TRAPPC12: variants seen among roughly 807,000 people sequenced by gnomAD.
TRAPPC12 encodes trafficking protein particle complex subunit 12.
TRAPPC12 carries 61 observed loss-of-function variants against 69.2 expected under a neutral mutation model. The observed-to-expected ratio is 0.88, with a 90% CI of 0.72 to 1.09. The LOEUF is 1.09. TRAPPC12 is among the 50% of genes least tolerant of loss of function. The probability of loss-of-function intolerance (pLI) is 0.00; values close to 1 mark genes in which losing one functional copy is unlikely to be tolerated. For missense variants in TRAPPC12, 1,101 were observed against 1,016.4 expected (o/e 1.08, Z -1.13); for synonymous variants, 469 against 438.9 (o/e 1.07, Z -0.86).
At chr2:3,473,228 G>T (rs1666140301) in intron 9 of TRAPPC12, among the ~76,000 whole-genome samples, 1 of 152,178 alleles carries the variant, frequency 6.6e-6, no homozygotes, top group African/African-American at 2.4e-5. Context: ...GGCCGGCTCT[G>T]CTGTGCTCAC....
chr2:3,455,732 T>A (rs1665114269), intron 6 of TRAPPC12: 1 of 152,256 alleles, frequency 6.6e-6, no homozygotes. Context: ...ATATGGCAAT[T>A]CCTTTATCCC....
intron 5 of TRAPPC12, among the ~76,000 whole-genome samples, chr2:3,431,110 G>T (rs747588413): frequency 6.6e-6 from 1 of 152,242 alleles, no homozygotes; most frequent in Non-Finnish European, 1.5e-5. Flanking sequence ...AGGCAGGCCC[G>T]CAGAGCCCCT....
chr2:3,400,848 T>C (rs946902139), intron 2 of TRAPPC12, among the ~76,000 whole-genome samples: 2 of 152,208 alleles, frequency 1.3e-5, no homozygotes, highest in Non-Finnish European at 1.5e-5. Flanking sequence ...TCGCCCAGCA[T>C]CTGGGCTTGA....
rs942548652 is a variant in TRAPPC12, at chr2:3,414,766, C to T, written c.1165-7115C>T. On this transcript the variant is annotated intron_variant, in intron 3 of 11. Coordinates refer to ENST00000324266, the MANE Select transcript of TRAPPC12 (RefSeq NM_016030.6). The surrounding 1 kb of genome is among the most constrained non-coding windows in gnomAD (Gnocchi z 4.9). ...TTCCTCTTGTTCATCGTGCGAGACTCCCCACCCCTGTGCCACCGGTCTCGG... is the reference window on the plus strand; with the variant it reads ...TTCCTCTTGTTCATCGTGCGAGACTTCCCACCCCTGTGCCACCGGTCTCGG... Among the ~76,000 whole-genome samples the T allele has an allele frequency of 6.6e-6, 1 of 152,068 alleles. No individual in the cohort carries two copies. The highest frequency in any genetic ancestry group is 2.4e-5 in the African/African-American group (1 of 41,412).
intron 2 of TRAPPC12, chr2:3,389,911 A>C (rs1051439188): frequency 2.1e-4 from 85 of 414,080 alleles, no homozygotes; most frequent in Non-Finnish European, 3.9e-4. Context: ...TTTTGGGCTC[A>C]GAATGGAGGG....
At chr2:3,464,370 T>A (rs917927891) in intron 8 of TRAPPC12, among the ~76,000 whole-genome samples, 2 of 141,304 alleles carry the variant, frequency 1.4e-5, no homozygotes, top group African/African-American at 3.1e-5. Context: ...TCGTTTTGGG[T>A]TTTTTTTGTT....
chr2:3,413,426 C>T (rs190970163), intron 3 of TRAPPC12, among the ~76,000 whole-genome samples: 18 of 152,264 alleles, frequency 1.2e-4, no homozygotes, highest in African/African-American at 4.3e-4. Context: ...CGGCCAGTTC[C>T]GTAGCACCAG....
chr2:3,449,204 T>TC (rs1208533661), intron 6 of TRAPPC12: 1 of 152,280 alleles, frequency 6.6e-6, no homozygotes, highest in African/African-American at 2.4e-5. Context: ...CCCTCTGGGG[T>TC]CGAGAGAGCT....
chr2:3,385,554 G>C (rs1558336141), intron 1 of TRAPPC12, among the ~76,000 whole-genome samples: 1 of 152,094 alleles, frequency 6.6e-6, no homozygotes, highest in African/African-American at 2.4e-5. Context: ...AATCTTACAG[G>C]TTTAAAGCAG....
At chr2:3,422,708 C>A (rs1375700422) in intron 4 of TRAPPC12, among the ~76,000 whole-genome samples, 1 of 152,210 alleles carries the variant, frequency 6.6e-6, no homozygotes, top group Non-Finnish European at 1.5e-5. Flanking sequence ...CAAGAGCCGA[C>A]AAGAAGAGCC....
chr2:3,388,105 C>A lies in TRAPPC12; in HGVS notation c.482C>A (p.Thr161Asn). The A allele has an allele frequency of 1.3e-6, 2 of 1,563,230 alleles. No individual in the cohort carries two copies. Among genetic ancestry groups the A allele is most frequent in the Middle Eastern group, 1.7e-4 (1 of 5,816 alleles). Residue 161 changes from threonine to asparagine, a missense_variant, in exon 2 of 12, where the codon ACC becomes AAC. Transcript: ENST00000324266. The stretch of plus-strand genomic sequence containing the variant: ...GTTGCGGAGCCGGTCCCGGTGTGCA[C>A]CATCTTCAGCCAGCGCGCGCCCCCA... ...PPVAEPVPVC[T>N]IFSQRAPPAS...
chr2:3,405,544 T>C (rs1447268036), intron 3 of TRAPPC12, among the ~76,000 whole-genome samples: 1 of 152,212 alleles, frequency 6.6e-6, no homozygotes, highest in Non-Finnish European at 1.5e-5. Context: ...AGACCTTATA[T>C]CTGATGGGAT....
chr2:3,401,726 G>A, intron 2 of TRAPPC12, 51 bp from the exon 3 acceptor site: 2 of 1,309,630 alleles, frequency 1.5e-6, no homozygotes, highest in South Asian at 3.0e-5. Context: ...GGTTAGCTGA[G>A]TTTAGTTGAC....
intron 8 of TRAPPC12, among the ~76,000 whole-genome samples, chr2:3,465,281 A>C (rs1343430523): frequency 2.6e-5 from 4 of 152,240 alleles, no homozygotes; most frequent in African/African-American, 9.6e-5. Flanking sequence ...GTCCAAGTGA[A>C]ATATGAATCG....
At chr2:3,435,719 T>C (rs991044746) in intron 5 of TRAPPC12, among the ~76,000 whole-genome samples, 2 of 152,212 alleles carry the variant, frequency 1.3e-5, no homozygotes, top group African/African-American at 4.8e-5. Context: ...CACTTTCTTT[T>C]CCCTTAACCC....
chr2:3,391,984 A>T (rs980044750), intron 2 of TRAPPC12, among the ~76,000 whole-genome samples: 2 of 152,188 alleles, frequency 1.3e-5, no homozygotes, highest in African/African-American at 4.8e-5. Flanking sequence ...AGGTTGCCAC[A>T]GGAAAGACTT....
chr2:3,409,776 AAAGG>A (rs1661949608), intron 3 of TRAPPC12, among the ~76,000 whole-genome samples: 1 of 149,506 alleles, frequency 6.7e-6, no homozygotes, highest in Non-Finnish European at 1.5e-5. Context: ...AAAAAAAAAA[AAAGG>A]GGAAGAAATG....
At position 3,477,868 on chromosome 2, in the gene TRAPPC12, G is replaced by A. The variant is rs960028965; in HGVS notation, c.1877+73G>A. 6.0e-6 allele frequency: 6 copies of A among 992,134 alleles called. No homozygotes were observed. The African/African-American group carries it at 1.0e-4, about 17-fold the overall frequency. The allele number at this position is 992,134 out of a possible 1,614,324, so 61.5% of individuals were successfully genotyped here. A position where few individuals can be genotyped will look rare whatever the true frequency, so the allele number is the denominator to read the frequency against. On this transcript the variant is annotated intron_variant, in intron 10 of 11. Coordinates refer to ENST00000324266, the MANE Select transcript of TRAPPC12 (RefSeq NM_016030.6). ...CGTTCAAGCCCCACTTACTGAGTTG[G>A]AAAGCTCCCTAGAGAAGGCGCTTCT...
At chr2:3,477,449 A>G (rs1342370226) in intron 9 of TRAPPC12, among the ~76,000 whole-genome samples, 4 of 152,258 alleles carry the variant, frequency 2.6e-5, no homozygotes, top group East Asian at 1.9e-4. Context: ...TTACTAAACT[A>G]TAAGACTCTT....
Sources: allele counts gnomAD v4.1 joint callset (sites outside exome capture counted in the v4.1 genomes callset), GRCh38; gene constraint gnomAD v4.1.1; non-coding constraint Gnocchi (gnomAD v3.1); transcripts MANE v1.5; gene names NCBI Gene and HGNC (gene_info 2026-07-23, HGNC 2026-07-21).